Variants in ANK1 observed in about 807,000 individuals in gnomAD.
The protein encoded by ANK1 is ankyrin-1.
A neutral mutation model predicts 210.4 loss-of-function variants in ANK1; 51 were observed. The ratio of observed to expected loss-of-function variants is 0.24; its 90% CI spans 0.19 to 0.31. The LOEUF is 0.31. Among genes scored for constraint, ANK1 ranks in the 10% least tolerant of loss-of-function variants. The pLI, the probability that ANK1 is intolerant of heterozygous loss-of-function variation, is 1.00. For missense variants in ANK1, 2,051 were observed against 2,504.4 expected, an observed-to-expected ratio of 0.82 and a Z score of 3.86; for synonymous variants, 967 against 1,025.9, an observed-to-expected ratio of 0.94 and a Z score of 1.10.
At position 41,719,813 on chromosome 8, in the gene ANK1, C is replaced by T. The variant is rs767117624; in HGVS notation, c.955G>A (p.Asp319Asn). 4.3e-6 allele frequency: 7 copies of T among 1,614,200 alleles called. No homozygotes were observed. Among genetic ancestry groups the T allele is most frequent in the South Asian group, 3.3e-5 (3 of 91,070 alleles). ...IHMAAQGDHL[D>N]CVRLLLQYDA... ...TATTGCAACAGGAGCCGGACACAGT[C>T]GAGGTGGTCTCCCTGAGCCGCCATG... The change falls in exon 10 of 43, where the codon GAC becomes AAC. Residue 319 changes from aspartate (D) to asparagine (N), a missense_variant. By Grantham distance (23) the Asp-to-Asn change is conservative. This residue lies in a region of ANK1 where 1,413 missense variants were observed against 1,707.4 expected (regional missense o/e 0.83). Coordinates refer to ENST00000289734, the MANE Select transcript of ANK1 (RefSeq NM_000037.4).
intron 24 of ANK1, among the ~76,000 whole-genome samples, chr8:41,697,311 G>A (rs956338301): frequency 5.3e-5 from 8 of 152,280 alleles, no homozygotes; most frequent in African/African-American, 1.7e-4. Context: ...TTAGGGTAAC[G>A]CTGCAACTAC....
intron 1 of ANK1, among the ~76,000 whole-genome samples, chr8:41,819,926 G>A (rs992779124): frequency 2.6e-5 from 4 of 152,246 alleles, no homozygotes; most frequent in Admixed American, 2.6e-4. Flanking sequence ...TGAGAATCAT[G>A]AACTCAGCAG....
rs1160870798 is a variant in ANK1, at chr8:41,672,930, G to A, written c.4538-18C>T. 1.3e-6 allele frequency: 2 copies of A among 1,588,548 alleles called. No homozygotes were observed. The highest frequency in any genetic ancestry group is 1.7e-6 in the Non-Finnish European group (2 of 1,173,256). ...GGAGTAACCTGGATGGGCAGACAGA[G>A]GGCAACATGCTCCAGCAGTGATTCC... On this transcript the variant is annotated intron_variant, in intron 37 of 42. Coordinates refer to ENST00000289734, the MANE Select transcript of ANK1 (RefSeq NM_000037.4).
At chr8:41,798,681 G>A (rs1311973580), upstream of ANK1, among the ~76,000 whole-genome samples, 5 of 152,208 alleles carry the variant, frequency 3.3e-5, no homozygotes, top group African/African-American at 1.2e-4. Context: ...CGGGGCCAGG[G>A]GCATGGCAGC....
upstream of ANK1, among the ~76,000 whole-genome samples, chr8:41,798,065 G>GAGGGGGAGGCTCTGT (rs1375737402): frequency 6.6e-6 from 1 of 152,002 alleles, no homozygotes; most frequent in Non-Finnish European, 1.5e-5. Context: ...GTTTCCTAAG[G>GAGGGGGAGGCTCTGT]AGGGGGAGGC....
intron 4 of ANK1, among the ~76,000 whole-genome samples, chr8:41,727,664 A>T (rs1413234704): frequency 1.3e-5 from 2 of 152,202 alleles, no homozygotes. Context: ...CTACAACTGG[A>T]CATACTATTT....
At chr8:41,702,243 C>T in intron 20 of ANK1, 99 bp from the exon 21 acceptor site, 1 of 988,424 alleles carries the variant, frequency 1.0e-6, no homozygotes, top group South Asian at 1.4e-5. Context: ...TCTAGTTGTT[C>T]AGGAGGACCT....
chr8:41,688,977 G>T (rs1252192662), intron 33 of ANK1, among the ~76,000 whole-genome samples: 1 of 152,198 alleles, frequency 6.6e-6, no homozygotes, highest in East Asian at 1.9e-4. Context: ...ATGGAGCTGG[G>T]GTTGAACTTA....
Position 41,808,543 on chromosome 8 carries a change from T to C in ANK1, c.127-50406A>G, listed in dbSNP as rs186728108. On this transcript the variant is annotated intron_variant, in intron 1 of 42. Coordinates refer to the ANK1 transcript ENST00000265709. Reference sequence around the variant, plus strand: ...AGCCAGGTGTGGTGGCGGCCACCTGTAATCCCAGCTACTTGGGAGTCTGAG... The same window carrying C: ...AGCCAGGTGTGGTGGCGGCCACCTGCAATCCCAGCTACTTGGGAGTCTGAG... Among the ~76,000 whole-genome samples the C allele has an allele frequency of 2.6e-3, 401 of 152,126 alleles. 2 individuals carry two copies. The highest frequency in any genetic ancestry group is 9.2e-3 in the African/African-American group (380 of 41,496).
chr8:41,797,451 C>G lies in ANK1; in HGVS notation c.27+61G>C. On this transcript the variant is annotated intron_variant, in intron 1 of 42. Coordinates refer to ENST00000289734, the MANE Select transcript of ANK1 (RefSeq NM_000037.4). The surrounding 1 kb of genome is among the most constrained non-coding windows in gnomAD (Gnocchi z 4.0). ...CTTGCTCGCGTGCTGCCTACTGGCG[C>G]GGCCTGGGTGGCCCCCTCCTGACAT... 1 of 1,494,758 alleles carries G rather than the reference C, an allele frequency of 6.7e-7. No homozygotes were observed. Among genetic ancestry groups the G allele is most frequent in the Non-Finnish European group, 9.2e-7 (1 of 1,086,664 alleles). The allele number at this position is 1,494,758 out of a possible 1,614,324, so 92.6% of individuals were successfully genotyped here.
chr8:41,711,159 C>G (rs985992661), intron 16 of ANK1, among the ~76,000 whole-genome samples: 5 of 152,102 alleles, frequency 3.3e-5, no homozygotes, highest in Non-Finnish European at 7.4e-5. Context: ...GGTGCGATGC[C>G]GCAGATCCAG....
chr8:41,693,802 G>T, intron 29 of ANK1, 96 bp downstream of exon 29: 1 of 1,388,100 alleles, frequency 7.2e-7, no homozygotes, highest in Non-Finnish European at 1.0e-6. Flanking sequence ...AAAAACTAAG[G>T]GGATTGCTGG....
At chr8:41,827,677 C>T (rs974288961) in intron 1 of ANK1, among the ~76,000 whole-genome samples, 1 of 136,892 alleles carries the variant, frequency 7.3e-6, no homozygotes, top group African/African-American at 2.9e-5. Flanking sequence ...CACACATCCC[C>T]TCATATATAC....
chr8:41,666,531 C>T (rs1402952872), intron 39 of ANK1, among the ~76,000 whole-genome samples: 1 of 152,222 alleles, frequency 6.6e-6, no homozygotes, highest in Non-Finnish European at 1.5e-5. Flanking sequence ...GATATTTCCT[C>T]CTAAGTCCTC....
rs564262402 is a variant in ANK1, at chr8:41,862,291, C to G, written c.126+34064G>C. 1.3e-4 allele frequency among the ~76,000 whole-genome samples: 20 copies of G among 152,282 alleles called. No homozygotes were observed. The South Asian group carries it at 3.3e-3, about 25-fold the overall frequency. The stretch of plus-strand genomic sequence containing the variant: ...CCTTTCTAAGCTTTAGTTTCCTTAT[C>G]TACAAAATGGTGTCTAGGAAAGCTA... On this transcript the variant is annotated intron_variant, in intron 1 of 42. Transcript: ENST00000265709.
At position 41,684,618 on chromosome 8, in the gene ANK1, C is replaced by G. The variant is rs763866388; in HGVS notation, c.4463G>C (p.Arg1488Pro). ...EIVNMLEGSG[R>P]QSRNLKPDRR... ...GTCTGGCTTCAAGTTGCGGCTCTGT[C>G]GGCCGGAACCCTCCAGCATGTTCAC... Residue 1488 changes from arginine (R) to proline (P), a missense_variant, in exon 37 of 43, where the codon CGA becomes CCA. Coordinates refer to ENST00000289734, the MANE Select transcript of ANK1 (RefSeq NM_000037.4). The G allele has an allele frequency of 1.9e-6, 3 of 1,613,890 alleles. No homozygotes were observed. The highest frequency in any genetic ancestry group is 2.5e-6 in the Non-Finnish European group (3 of 1,180,020).
chr8:41,688,416 C>G, intron 34 of ANK1, 95 bp downstream of exon 34: 1 of 1,502,844 alleles, frequency 6.7e-7, no homozygotes. Context: ...GCGAGCGGCA[C>G]CTCAGCAGAA....
At chr8:41,889,602 C>T (rs1819053815) in intron 1 of ANK1, among the ~76,000 whole-genome samples, 1 of 152,072 alleles carries the variant, frequency 6.6e-6, no homozygotes, top group African/African-American at 2.4e-5. Context: ...TGAGTGTCTC[C>T]AATGCAAGTT....
chr8:41,817,678 C>T (rs1362605816), intron 1 of ANK1, among the ~76,000 whole-genome samples: 2 of 152,162 alleles, frequency 1.3e-5, no homozygotes, highest in East Asian at 1.9e-4. Context: ...TTTCTGAGTA[C>T]ACAGTTCCAT....
Sources: allele counts gnomAD v4.1 joint callset (sites outside exome capture counted in the v4.1 genomes callset), GRCh38; gene constraint gnomAD v4.1.1; regional missense constraint gnomAD v4.1.1; non-coding constraint Gnocchi (gnomAD v3.1); transcripts MANE v1.5; gene names NCBI Gene and HGNC (gene_info 2026-07-23, HGNC 2026-07-21).